Variants in MAP1B observed in about 807,000 individuals in gnomAD.
The protein encoded by MAP1B is microtubule associated protein 1B.
A neutral mutation model predicts 176.1 loss-of-function variants in MAP1B; 12 were observed. That is an observed-to-expected ratio of 0.07 (90% CI 0.04 to 0.11). The LOEUF (loss-of-function observed/expected upper bound fraction) is 0.11. MAP1B is among the 10% of genes least tolerant of loss of function. The probability of loss-of-function intolerance (pLI) is 1.00; values close to 1 mark genes in which losing one functional copy is unlikely to be tolerated. For missense variants in MAP1B, 2,523 were observed against 2,990.5 expected (o/e 0.84, Z 3.65); for synonymous variants, 1,044 against 1,135.0 (o/e 0.92, Z 1.61).
intron 2 of MAP1B, among the ~76,000 whole-genome samples, chr5:72,123,872 C>G: frequency 6.6e-6 from 1 of 152,150 alleles, no homozygotes; most frequent in Non-Finnish European, 1.5e-5. Context: ...CTCAAGCGAT[C>G]CTCCTGCCCC....
intron 2 of MAP1B, among the ~76,000 whole-genome samples, chr5:72,125,835 G>T (rs777417739): frequency 6.6e-6 from 1 of 151,634 alleles, no homozygotes; most frequent in Non-Finnish European, 1.5e-5. Context: ...CTACATTTTA[G>T]ATTAAGCCCA....
chr5:72,203,917 C>T (rs1485936166), intron 6 of MAP1B, 116 bp downstream of exon 6: 15 of 808,976 alleles, frequency 1.9e-5, no homozygotes, highest in East Asian at 2.5e-5. Flanking sequence ...ACATGAGGTG[C>T]CTCCTGTGTC....
chr5:72,195,136 T>C lies in MAP1B; in HGVS notation c.1781T>C (p.Ile594Thr). 6.2e-7 allele frequency: 1 copy of C among 1,613,364 alleles called. No individual in the cohort carries two copies. Among genetic ancestry groups the C allele is most frequent in the Non-Finnish European group, 8.5e-7 (1 of 1,179,736 alleles). Reference protein sequence around the residue: ...EKVMVKKDKPIKTETKPSVTE... With the variant: ...EKVMVKKDKPTKTETKPSVTE... ...GTAATGGTGAAAAAAGACAAGCCAA[T>C]AAAAACAGAGACCAAACCTTCAGTG... is the stretch of plus-strand genomic sequence containing the variant. Residue 594 changes from isoleucine (I) to threonine (T), a missense_variant, in exon 5 of 7, where the codon ATA becomes ACA. By Grantham distance (89) the Ile-to-Thr change is moderately conservative. This residue lies in a region of MAP1B where 1,925 missense variants were observed against 2,126.0 expected (regional missense o/e 0.91). Coordinates refer to ENST00000296755, the MANE Select transcript of MAP1B (RefSeq NM_005909.5).
In MAP1B at chr5:72,194,293, G is replaced by C; in HGVS notation, c.938G>C (p.Gly313Ala). 1 of 1,614,162 alleles carries C rather than the reference G, an allele frequency of 6.2e-7. No homozygotes were observed. Among genetic ancestry groups the C allele is most frequent in the South Asian group, 1.1e-5 (1 of 91,078 alleles). The change falls in exon 5 of 7, where the codon GGG (glycine) becomes GCG (alanine). Residue 313 changes from glycine (G) to alanine (A), a missense_variant. Transcript: ENST00000296755. The surrounding 1 kb of genome is among the most constrained non-coding windows in gnomAD (Gnocchi z 7.2). ...GACTCCATCCTGCTCACCCACATTG[G>C]GGATGACAATTTGCCTGGAATAAAC... is the stretch of plus-strand genomic sequence containing the variant. ...RVDSILLTHI[G>A]DDNLPGINSM... is the part of the protein sequence containing the mutation.
chr5:72,197,173 G>A lies in MAP1B; in HGVS notation c.3818G>A (p.Gly1273Asp). 1 of 1,614,204 alleles carries A rather than the reference G, an allele frequency of 6.2e-7. No individual in the cohort carries two copies. The highest frequency in any genetic ancestry group is 8.5e-7 in the Non-Finnish European group (1 of 1,180,038). The change falls in exon 5 of 7, where the codon GGT becomes GAT. Residue 1273 changes from glycine to aspartate, a missense_variant. Coordinates refer to ENST00000296755, the MANE Select transcript of MAP1B (RefSeq NM_005909.5). ...PPSPLEKTPL[G>D]ERSVNFSLTP... ...TCACCCTTAGAAAAGACCCCCCTGG[G>A]TGAACGTAGTGTGAACTTCTCTCTG... is the stretch of plus-strand genomic sequence containing the variant.
At chr5:72,117,710 G>A (rs533022804) in intron 2 of MAP1B, among the ~76,000 whole-genome samples, 44 of 152,320 alleles carry the variant, frequency 2.9e-4, no homozygotes, top group African/African-American at 1.0e-3. Context: ...TGTGTTTGGA[G>A]ATTGGCCTTT....
At chr5:72,181,146 A>G (rs1024594546) in intron 2 of MAP1B, among the ~76,000 whole-genome samples, 1 of 152,144 alleles carries the variant, frequency 6.6e-6, no homozygotes, top group Non-Finnish European at 1.5e-5. Flanking sequence ...TGACATCATC[A>G]TTGTTCTGTT....
At chr5:72,178,293 G>T (rs372623616) in intron 2 of MAP1B, among the ~76,000 whole-genome samples, 7 of 152,282 alleles carry the variant, frequency 4.6e-5, no homozygotes, top group African/African-American at 1.7e-4. Context: ...ATGAGCCACC[G>T]TGCCTGGCCT....
At position 72,119,501 on chromosome 5, in the gene MAP1B, T is replaced by TTTG. The variant is rs546834038; in HGVS notation, c.286+3720_286+3722dup. Among the ~76,000 whole-genome samples the TTTG allele has an allele frequency of 4.2e-4, 64 of 152,172 alleles. 1 individual carries two copies. The highest frequency in any genetic ancestry group is 2.9e-3 in the East Asian group (15 of 5,186). Reference sequence around the variant, plus strand: ...TCTTTTCAAAATAGAGCAACAGTCTTTTGTTGTTGTTGTTGTTGTTTTGAA... The same window carrying TTTG: ...TCTTTTCAAAATAGAGCAACAGTCTTTTGTTGTTGTTGTTGTTGTTGTTTTGAA... On this transcript the variant is annotated intron_variant, in intron 2 of 6. Coordinates refer to ENST00000296755, the MANE Select transcript of MAP1B (RefSeq NM_005909.5).
In MAP1B at chr5:72,205,410, T is replaced by A. The variant is rs996655666; in HGVS notation, c.*171T>A. On this transcript the variant is annotated 3_prime_UTR_variant, in exon 7 of 7. Coordinates refer to ENST00000296755, the MANE Select transcript of MAP1B (RefSeq NM_005909.5). Reference sequence around the variant, plus strand: ...AGTCACTAAATTTCTCAGTTTTTGCTGATTGCTAAGGGAAATAACAGTATT... The same window carrying A: ...AGTCACTAAATTTCTCAGTTTTTGCAGATTGCTAAGGGAAATAACAGTATT... 1.1e-5 allele frequency: 7 copies of A among 650,244 alleles called. No individual in the cohort carries two copies. In the Admixed American group the frequency reaches 2.3e-4, roughly 22 times the overall value. The allele number at this position is 650,244 out of a possible 1,614,324, so 40.3% of individuals were successfully genotyped here.
Position 72,195,484 on chromosome 5 carries a change from A to G in MAP1B, c.2129A>G (p.Lys710Arg), listed in dbSNP as rs138733653. The G allele has an allele frequency of 4.7e-4, 740 of 1,588,886 alleles. 1 individual carries two copies. The African/African-American group carries it at 9.2e-3, about 20-fold the overall frequency. Reference protein sequence around the residue: ...VKKETPPKEVKKEVKKEEKKE... With the variant: ...VKKETPPKEVRKEVKKEEKKE... ...AAAGAAACACCGCCAAAGGAAGTCA[A>G]GAAGGAAGTTAAGAAGGAAGAGAAG... is the stretch of plus-strand genomic sequence containing the variant. Residue 710 changes from lysine (K) to arginine (R), a missense_variant, in exon 5 of 7, where the codon AAG becomes AGG. Lys to Arg is a conservative substitution (Grantham distance 26, BLOSUM62 2). This residue lies in a region of MAP1B where 1,925 missense variants were observed against 2,126.0 expected (regional missense o/e 0.91). Coordinates refer to ENST00000296755, the MANE Select transcript of MAP1B (RefSeq NM_005909.5).
intron 2 of MAP1B, among the ~76,000 whole-genome samples, chr5:72,121,582 C>T (rs192073582): frequency 3.9e-5 from 6 of 152,328 alleles, no homozygotes; most frequent in South Asian, 2.1e-4. Context: ...GAATTAGAAT[C>T]AGCCCTTTGA....
In MAP1B at chr5:72,107,481, G is replaced by C; in HGVS notation, c.-51G>C. The C allele has an allele frequency of 2.7e-6, 4 of 1,473,780 alleles. No homozygotes were observed. The highest frequency in any genetic ancestry group is 3.6e-6 in the Non-Finnish European group (4 of 1,099,454). 91.3% of individuals were successfully genotyped at this position (1,473,780 alleles called of 1,614,324 possible). On this transcript the variant is annotated 5_prime_UTR_variant, in exon 1 of 7. Coordinates refer to ENST00000296755, the MANE Select transcript of MAP1B (RefSeq NM_005909.5). Reference sequence around the variant, plus strand: ...GATAATCCTTTCTCCTGCCGCAGTGGAGAGGAGCGGCCGGAGCGAGACACT... The same window carrying C: ...GATAATCCTTTCTCCTGCCGCAGTGCAGAGGAGCGGCCGGAGCGAGACACT...
At chr5:72,141,149 C>T (rs1745941558) in intron 2 of MAP1B, among the ~76,000 whole-genome samples, 2 of 152,252 alleles carry the variant, frequency 1.3e-5, no homozygotes, top group Non-Finnish European at 2.9e-5. Flanking sequence ...CTTTTACCTC[C>T]TGGGGTACAT....
intron 2 of MAP1B, among the ~76,000 whole-genome samples, chr5:72,163,097 G>A (rs542390842): frequency 3.3e-5 from 5 of 152,032 alleles, no homozygotes; most frequent in African/African-American, 9.6e-5. Context: ...GCATGGTGGT[G>A]CGTGCCTATA....
chr5:72,182,472 C>G (rs1425938900), intron 2 of MAP1B, among the ~76,000 whole-genome samples: 1 of 152,096 alleles, frequency 6.6e-6, no homozygotes, highest in African/African-American at 2.4e-5. Flanking sequence ...ACCCAATCAT[C>G]AATAGATGGA....
chr5:72,174,589 CG>C (rs1462688290), intron 2 of MAP1B, among the ~76,000 whole-genome samples: 1 of 152,288 alleles, frequency 6.6e-6, no homozygotes, highest in South Asian at 2.1e-4. Flanking sequence ...GCTAGGCTTG[CG>C]GGGGCCACAT....
Position 72,198,859 on chromosome 5 carries a change from C to T in MAP1B, c.5504C>T (p.Ser1835Leu). ...ASAEPYGFRA[S>L]VLFDTMQHHL... ...GCAGAGCCCTATGGCTTCCGTGCCT[C>T]AGTGTTATTCGATACAATGCAACAC... The change falls in exon 5 of 7, where the codon TCA becomes TTA. Residue 1835 changes from serine to leucine, a missense_variant. Ser to Leu is a moderately radical substitution (Grantham distance 145). Transcript: ENST00000296755. 1 of 1,614,194 alleles carries T rather than the reference C, an allele frequency of 6.2e-7. No homozygotes were observed. The highest frequency in any genetic ancestry group is 8.5e-7 in the Non-Finnish European group (1 of 1,180,040).
At chr5:72,161,697 C>G (rs1025128419) in intron 2 of MAP1B, among the ~76,000 whole-genome samples, 1 of 152,164 alleles carries the variant, frequency 6.6e-6, no homozygotes, top group East Asian at 1.9e-4. Flanking sequence ...TGGCTCACAC[C>G]TGTAATCCCA....
Sources: gnomAD v4.1 joint callset for allele counts (sites outside exome capture counted in the v4.1 genomes callset) on GRCh38, gnomAD v4.1.1 for gene constraint, gnomAD v4.1.1 regional missense constraint, Gnocchi (gnomAD v3.1) non-coding constraint, MANE v1.5 for transcripts, NCBI Gene and HGNC (gene_info 2026-07-23, HGNC 2026-07-21) for gene names.